Variants in LEMD3 observed in about 807,000 individuals in gnomAD.
LEMD3 encodes the protein LEM domain containing 3.
A neutral mutation model predicts 95.2 loss-of-function variants in LEMD3; 33 were observed. The ratio of observed to expected loss-of-function variants is 0.35; its 90% confidence interval spans 0.26 to 0.46. The LOEUF (loss-of-function observed/expected upper bound fraction) is 0.46, where lower values mean the gene tolerates loss of function less well. Among genes scored for constraint, LEMD3 ranks in the 20% least tolerant of loss-of-function variants. The pLI is 1.00. For synonymous variants in LEMD3, 525 were observed against 474.6 expected (o/e 1.11, Z -1.38); for missense variants, 1,210 against 1,192.8 (o/e 1.01, Z -0.21).
intron 1 of LEMD3, among the ~76,000 whole-genome samples, chr12:65,206,763 A>G (rs889312476): frequency 6.6e-6 from 1 of 152,122 alleles, no homozygotes; most frequent in African/African-American, 2.4e-5. Context: ...TTCCTCATCT[A>G]AGAGAAAATA....
At chr12:65,184,894 A>G (rs1869012039) in intron 1 of LEMD3, among the ~76,000 whole-genome samples, 1 of 152,102 alleles carries the variant, frequency 6.6e-6, no homozygotes, top group Non-Finnish European at 1.5e-5. Context: ...ACCATTGGAC[A>G]TACTGTTTTC....
intron 1 of LEMD3, among the ~76,000 whole-genome samples, chr12:65,196,867 T>TA (rs1387270768): frequency 5.9e-5 from 9 of 152,130 alleles, no homozygotes; most frequent in Admixed American, 5.9e-4. Flanking sequence ...CCCTCATTTC[T>TA]AACACTAGAA....
chr12:65,180,205 C>CA (rs1438801581), intron 1 of LEMD3, among the ~76,000 whole-genome samples: 1 of 152,060 alleles, frequency 6.6e-6, no homozygotes, highest in Non-Finnish European at 1.5e-5. Context: ...CTCGGCCTCT[C>CA]AAAGTGCTGG....
chr12:65,234,708 T>C (rs1870728030), intron 4 of LEMD3, among the ~76,000 whole-genome samples: 1 of 152,178 alleles, frequency 6.6e-6, no homozygotes, highest in African/African-American at 2.4e-5. Flanking sequence ...ACAGATCCTC[T>C]TTTCTTACCC....
chr12:65,185,643 A>G (rs1245752433), intron 1 of LEMD3, among the ~76,000 whole-genome samples: 1 of 151,264 alleles, frequency 6.6e-6, no homozygotes, highest in South Asian at 2.1e-4. Flanking sequence ...GAGAATCATT[A>G]CTTAAAGAAT....
At chr12:65,221,736 CTT>C (rs57423350) in intron 4 of LEMD3, among the ~76,000 whole-genome samples, 88 of 127,208 alleles carry the variant, frequency 6.9e-4, no homozygotes, top group African/African-American at 2.2e-3. Flanking sequence ...GAAAATCTCT[CTT>C]TTTTTTTTTT....
chr12:65,202,519 C>T (rs1323378151), intron 1 of LEMD3, among the ~76,000 whole-genome samples: 1 of 152,056 alleles, frequency 6.6e-6, no homozygotes, highest in African/African-American at 2.4e-5. Flanking sequence ...ACTTTTGCAT[C>T]TGTATTCATG....
Position 65,170,519 on chromosome 12 carries a change from CTT to C in LEMD3, c.924_925del (p.Val310SerfsTer10), listed in dbSNP as rs1868502230. ...AAATCGGCCGGCGGCAGGCTGGAGA[CTT>C]CAGTTCAGGGAGGGGGAGGACTCGC... On this transcript the variant is annotated frameshift_variant, in exon 1 of 13. Transcript: ENST00000308330. LOFTEE classifies it high-confidence loss of function. 6.2e-7 allele frequency: 1 copy of C among 1,613,984 alleles called. No individual in the cohort carries two copies.
rs1870098832 is a variant in LEMD3 at position 65,215,996 on chromosome 12, T to C, written c.1580T>C (p.Met527Thr). Residue 527 changes from methionine to threonine, a missense_variant, in exon 3 of 13, where the codon ATG becomes ACG. Coordinates refer to ENST00000308330, the MANE Select transcript of LEMD3 (RefSeq NM_014319.5). Reference protein sequence around the residue: ...GKIQESEKTLMMNTLYKLHDR... With the variant: ...GKIQESEKTLTMNTLYKLHDR... ...TTTTAGGAAAGTGAAAAAACTCTTA[T>C]GATGAACACATTATATAAGCTTCAT... 3 of 1,569,316 alleles carry C rather than the reference T, an allele frequency of 1.9e-6. No homozygotes were observed. The highest frequency in any genetic ancestry group is 1.2e-5 in the South Asian group (1 of 84,966).
At chr12:65,207,932 A>T (rs1042597864) in intron 1 of LEMD3, among the ~76,000 whole-genome samples, 2 of 152,072 alleles carry the variant, frequency 1.3e-5, no homozygotes, top group Admixed American at 6.6e-5. Flanking sequence ...AACTAGTAAC[A>T]TTTTTGGAAT....
intron 4 of LEMD3, among the ~76,000 whole-genome samples, chr12:65,222,831 G>A (rs1051174548): frequency 1.3e-5 from 2 of 151,348 alleles, no homozygotes; most frequent in Admixed American, 1.3e-4. Flanking sequence ...ATTTTGTTAG[G>A]TTGTGTTTTT....
At chr12:65,209,896 T>C (rs1869886005) in intron 1 of LEMD3, among the ~76,000 whole-genome samples, 1 of 152,090 alleles carries the variant, frequency 6.6e-6, no homozygotes, top group African/African-American at 2.4e-5. Flanking sequence ...ACCTGGTCAG[T>C]GTGAACTACT....
chr12:65,184,754 C>G (rs957452663), intron 1 of LEMD3, among the ~76,000 whole-genome samples: 3 of 152,048 alleles, frequency 2.0e-5, no homozygotes, highest in Non-Finnish European at 4.4e-5. Context: ...GGCTAGTTTT[C>G]CATCATTAAT....
At chr12:65,207,198 GAGGGTTGTAGTAATCAAGACT>G (rs1869789549) in intron 1 of LEMD3, among the ~76,000 whole-genome samples, 1 of 152,154 alleles carries the variant, frequency 6.6e-6, no homozygotes, top group Non-Finnish European at 1.5e-5. Flanking sequence ...ATTCAACGGA[GAGGGTTGTAGTAATCAAGACT>G]ATAGTACTTT....
chr12:65,246,112 A>G (rs1299412587), intron 12 of LEMD3, 50 bp from the exon 13 acceptor site: 1 of 1,458,806 alleles, frequency 6.9e-7, no homozygotes, highest in East Asian at 2.3e-5. Flanking sequence ...ATTTTCTGCA[A>G]ATATTAAACA....
intron 9 of LEMD3, among the ~76,000 whole-genome samples, chr12:65,241,789 T>C (rs903368901): frequency 1.3e-5 from 2 of 152,216 alleles, no homozygotes; most frequent in African/African-American, 4.8e-5. Flanking sequence ...GTTTTGGACA[T>C]GCAATACAAA....
chr12:65,213,204 A>G (rs1869997406), intron 2 of LEMD3, among the ~76,000 whole-genome samples: 1 of 152,048 alleles, frequency 6.6e-6, no homozygotes, highest in Non-Finnish European at 1.5e-5. Context: ...TAGTATATAG[A>G]CGGTCATTTA....
chr12:65,174,460 CATT>C, intron 1 of LEMD3, among the ~76,000 whole-genome samples: 1 of 152,144 alleles, frequency 6.6e-6, no homozygotes, highest in Middle Eastern at 3.4e-3. Flanking sequence ...CTCGTATGAT[CATT>C]ATTAATTTTT....
rs1565775183 is a variant in LEMD3, at chr12:65,169,716, C to CAAGAAGCTG, written c.129_137dup (p.Lys44_Leu46dup). The CAAGAAGCTG allele has an allele frequency of 6.3e-7, 1 of 1,588,062 alleles. No individual in the cohort carries two copies. Among genetic ancestry groups the CAAGAAGCTG allele is most frequent in the Admixed American group, 1.8e-5 (1 of 56,326 alleles). The stretch of plus-strand genomic sequence containing the variant: ...CGGAGAGCACCCGCCCGGTCTACCT[C>CAAGAAGCTG]AAGAAGCTGAAGAAGCTTCGAGAGG... On this transcript the variant is annotated inframe_insertion, in exon 1 of 13. Transcript: ENST00000308330.
Sources: allele counts gnomAD v4.1 joint callset (sites outside exome capture counted in the v4.1 genomes callset), GRCh38; gene constraint gnomAD v4.1.1; transcripts MANE v1.5; gene names NCBI Gene and HGNC (gene_info 2026-07-23, HGNC 2026-07-21).